The following DBF4 variants were observed in gnomAD, a reference collection of about 807,000 sequenced individuals.
DBF4 encodes DBF4-CDC7 kinase regulatory subunit.
Under a neutral mutation model 76.6 loss-of-function variants are expected in DBF4, and 25 were observed. That is an observed-to-expected ratio of 0.33 (90% CI 0.24 to 0.46). The LOEUF (loss-of-function observed/expected upper bound fraction) is 0.46. Ranked by LOEUF, DBF4 falls within the 20% of genes least tolerant of loss-of-function variation. The probability of loss-of-function intolerance (pLI) is 1.00; values close to 1 mark genes in which losing one functional copy is unlikely to be tolerated. For missense variants in DBF4, 638 were observed against 760.8 expected (o/e 0.84, Z 1.90); for synonymous variants, 213 against 258.0 (o/e 0.83, Z 1.67).
In DBF4 at chr7:87,887,967, C is replaced by T. The variant is rs1490021199; in HGVS notation, c.521-16C>T. The stretch of plus-strand genomic sequence containing the variant: ...GTAAAATTGCTAATCTTAAAACCTT[C>T]TTTCTTTTAATAAAGACATTAGATA... On this transcript the variant is annotated splice_polypyrimidine_tract_variant and intron_variant, in intron 5 of 11. Coordinates refer to ENST00000265728, the MANE Select transcript of DBF4 (RefSeq NM_006716.4). 6.5e-7 allele frequency: 1 copy of T among 1,527,892 alleles called. No homozygotes were observed. The allele number at this position is 1,527,892 out of a possible 1,614,324, so 94.6% of individuals were successfully genotyped here.
chr7:87,878,976 T>C (rs572302905), intron 2 of DBF4, among the ~76,000 whole-genome samples: 40 of 152,358 alleles, frequency 2.6e-4, no homozygotes, highest in Middle Eastern at 3.4e-3. Context: ...AGTCTCATTC[T>C]ATATGGCCTA....
At chr7:87,903,758 C>T (rs1286279822) in intron 10 of DBF4, among the ~76,000 whole-genome samples, 1 of 145,184 alleles carries the variant, frequency 6.9e-6, no homozygotes, top group Non-Finnish European at 1.5e-5. Context: ...ACAGTGGTGC[C>T]ATCTCTGCTC....
intron 7 of DBF4, 49 bp from the exon 8 acceptor site, chr7:87,897,245 A>AAAG: frequency 6.4e-7 from 1 of 1,555,398 alleles, no homozygotes; most frequent in African/African-American, 1.4e-5. Context: ...TAAAAAAAAA[A>AAAG]AAGAATCCTG....
chr7:87,884,182 A>G (rs564684482), intron 2 of DBF4, among the ~76,000 whole-genome samples: 2 of 152,348 alleles, frequency 1.3e-5, no homozygotes, highest in Non-Finnish European at 2.9e-5. Flanking sequence ...TATGGTAACC[A>G]TTAGTGATAT....
In DBF4 at chr7:87,908,226, A is replaced by T; in HGVS notation, c.*63A>T. On this transcript the variant is annotated 3_prime_UTR_variant, in exon 12 of 12. Coordinates refer to ENST00000265728, the MANE Select transcript of DBF4 (RefSeq NM_006716.4). ...TCATATTCTTGAAATTTTTATAAATATGTATGGAAATTCTTAGGATTTTTT... is the reference window on the plus strand; with the variant it reads ...TCATATTCTTGAAATTTTTATAAATTTGTATGGAAATTCTTAGGATTTTTT... The T allele has an allele frequency of 7.4e-7, 1 of 1,344,136 alleles. No individual in the cohort carries two copies. The highest frequency in any genetic ancestry group is 9.7e-7 in the Non-Finnish European group (1 of 1,033,156). The allele number at this position is 1,344,136 out of a possible 1,614,324, so 83.3% of individuals were successfully genotyped here.
chr7:87,905,227 C>G (rs1474405216), intron 11 of DBF4, among the ~76,000 whole-genome samples: 1 of 152,184 alleles, frequency 6.6e-6, no homozygotes, highest in Non-Finnish European at 1.5e-5. Context: ...TCTGTTGCAA[C>G]TAATTAGCTT....
intron 6 of DBF4, among the ~76,000 whole-genome samples, chr7:87,890,916 T>C (rs1839469295): frequency 6.6e-6 from 1 of 152,196 alleles, no homozygotes; most frequent in Admixed American, 6.5e-5. Context: ...TCTGGTTGAA[T>C]TGATACTCAT....
In DBF4 at chr7:87,889,958, A is replaced by G. The variant is rs755762172; in HGVS notation, c.597+1899A>G. On this transcript the variant is annotated intron_variant, in intron 6 of 11. Transcript: ENST00000265728. ...TGTATTGGACTTTGCTAAATGGCAT[A>G]TAAATTGCCTCTACCACACTTAGCA... Among the ~76,000 whole-genome samples the G allele has an allele frequency of 8.1e-4, 123 of 152,234 alleles. 1 individual carries two copies. Among genetic ancestry groups the G allele is most frequent in the Middle Eastern group, 3.2e-3 (1 of 316 alleles).
At position 87,886,872 on chromosome 7, in the gene DBF4, T is replaced by C. The variant is rs1248654327; in HGVS notation, c.428T>C (p.Val143Ala). 1 of 1,573,484 alleles carries C rather than the reference T, an allele frequency of 6.4e-7. No homozygotes were observed. The highest frequency in any genetic ancestry group is 8.7e-7 in the Non-Finnish European group (1 of 1,150,588). The change falls in exon 4 of 12, where the codon GTT (valine) becomes GCT (alanine). Residue 143 changes from valine (V) to alanine (A), a missense_variant. Physicochemically the swap from Val to Ala is moderately conservative, Grantham distance 64 (BLOSUM62 0). Coordinates refer to ENST00000265728, the MANE Select transcript of DBF4 (RefSeq NM_006716.4). ...TGTTTAAGCAGAGGAAAATTATTAG[T>C]TGAAAAAGCTATCAAGGACCATGTA... The part of the protein sequence containing the change: ...TVCLSRGKLL[V>A]EKAIKDHDFI...
In DBF4 at chr7:87,905,827, T is replaced by A. The variant is rs117654511; in HGVS notation, c.1050-1361T>A. 4.2e-3 allele frequency among the ~76,000 whole-genome samples: 638 copies of A among 152,252 alleles called. 3 individuals carry two copies. The highest frequency in any genetic ancestry group is 0.014 in the Middle Eastern group (4 of 294). ...GAATGGTTTCATGACTGACTTAATA[T>A]GGATTTGAAGAGAAGGCATATTTCC... On this transcript the variant is annotated intron_variant, in intron 11 of 11. Transcript: ENST00000265728.
At chr7:87,890,030 C>A (rs937355925) in intron 6 of DBF4, among the ~76,000 whole-genome samples, 2 of 152,122 alleles carry the variant, frequency 1.3e-5, no homozygotes, top group African/African-American at 4.8e-5. Context: ...AAAATGTAAA[C>A]TCATAAGGAC....
At chr7:87,905,983 G>A (rs1839903532) in intron 11 of DBF4, among the ~76,000 whole-genome samples, 1 of 151,026 alleles carries the variant, frequency 6.6e-6, no homozygotes, top group African/African-American at 2.4e-5. Context: ...CCAACGTGGT[G>A]AAAGCCCATC....
intron 4 of DBF4, 128 bp from the exon 5 acceptor site, chr7:87,887,201 T>C (rs2131050230): frequency 1.3e-6 from 1 of 783,172 alleles, no homozygotes; most frequent in African/African-American, 1.8e-5. Context: ...CTAGCTATTG[T>C]AACTCTATAG....
chr7:87,904,315 A>G lies in DBF4; in HGVS notation c.948A>G (p.Arg316=). ...LETHLLSEQH[R]NFAQSNQYQV... Reference sequence around the variant, plus strand: ...AGCACCTTCTAAGTGAGCAACACAGAAACTTTGCACAGAGTAACCAGTATC... The same window carrying G: ...AGCACCTTCTAAGTGAGCAACACAGGAACTTTGCACAGAGTAACCAGTATC... The change falls in exon 11 of 12, where the codon AGA becomes AGG. Residue 316 remains arginine, a synonymous_variant. Coordinates refer to ENST00000265728, the MANE Select transcript of DBF4 (RefSeq NM_006716.4). The G allele has an allele frequency of 6.2e-7, 1 of 1,611,192 alleles. No homozygotes were observed. Among genetic ancestry groups the G allele is most frequent in the Non-Finnish European group, 8.5e-7 (1 of 1,179,364 alleles).
chr7:87,894,936 T>C (rs959911729), intron 6 of DBF4, among the ~76,000 whole-genome samples: 3 of 152,202 alleles, frequency 2.0e-5, no homozygotes, highest in Non-Finnish European at 4.4e-5. Context: ...TTTCAGCTAT[T>C]ATTTTGTTAA....
At chr7:87,895,512 A>G (rs1457076022) in intron 6 of DBF4, among the ~76,000 whole-genome samples, 1 of 151,386 alleles carries the variant, frequency 6.6e-6, no homozygotes, top group Non-Finnish European at 1.5e-5. Flanking sequence ...GCGGACAGTC[A>G]TCCCAGTTTT....
chr7:87,878,171 A>G lies in DBF4; in HGVS notation c.165A>G (p.Leu55=), dbSNP rs780899089. 3.1e-6 allele frequency: 5 copies of G among 1,613,356 alleles called. No homozygotes were observed. The South Asian group carries it at 5.5e-5, about 18-fold the overall frequency. The change falls in exon 2 of 12, where the codon TTA becomes TTG. Residue 55 remains leucine (L), a synonymous_variant. Coordinates refer to ENST00000265728, the MANE Select transcript of DBF4 (RefSeq NM_006716.4). ...GGGGAAAAGTATTTTACCTTGACTTACCTTCTGTCACCATATCTGAAAAAC... is the reference window on the plus strand; with the variant it reads ...GGGGAAAAGTATTTTACCTTGACTTGCCTTCTGTCACCATATCTGAAAAAC... ...PLWGKVFYLD[L]PSVTISEKLQ... is the part of the protein sequence containing the mutation.
intron 11 of DBF4, among the ~76,000 whole-genome samples, chr7:87,906,839 T>TA (rs1379048222): frequency 1.3e-5 from 2 of 152,084 alleles, no homozygotes; most frequent in Admixed American, 6.5e-5. Context: ...AAAGCAAAAT[T>TA]AGGGGCAGGC....
chr7:87,896,592 C>G, intron 7 of DBF4, 82 bp downstream of exon 7: 1 of 1,226,408 alleles, frequency 8.2e-7, no homozygotes, highest in Non-Finnish European at 1.2e-6. Flanking sequence ...ATAAACCACC[C>G]TCTAAATGAT....
Sources: gnomAD v4.1 joint callset for allele counts (sites outside exome capture counted in the v4.1 genomes callset) on GRCh38, gnomAD v4.1.1 for gene constraint, MANE v1.5 for transcripts, NCBI Gene and HGNC (gene_info 2026-07-23, HGNC 2026-07-21) for gene names.